Variants in APBB1IP observed in about 807,000 individuals in gnomAD.
The protein encoded by APBB1IP is amyloid beta A4 precursor protein-binding family B member 1-interacting protein.
Under a neutral mutation model 64.9 loss-of-function variants are expected in APBB1IP, and 27 were observed. The ratio of observed to expected loss-of-function variants is 0.42; its 90% CI spans 0.31 to 0.57. APBB1IP has a LOEUF of 0.57. Ranked by LOEUF, APBB1IP falls within the 20% of genes least tolerant of loss-of-function variation. APBB1IP has a pLI of 0.20. For missense variants in APBB1IP, 812 were observed against 845.5 expected (o/e 0.96, Z 0.49); for synonymous variants, 392 against 331.0 (o/e 1.18, Z -2.00).
chr10:26,566,923 T>G, intron 14 of APBB1IP, 38 bp from the exon 15 acceptor site: 3 of 1,523,936 alleles, frequency 2.0e-6, no homozygotes, highest in Non-Finnish European at 2.6e-6. Context: ...ATTTCAAAAA[T>G]TAAAAAAAAA....
chr10:26,502,672 C>T (rs558997922), intron 5 of APBB1IP, among the ~76,000 whole-genome samples: 1 of 151,758 alleles, frequency 6.6e-6, no homozygotes, highest in Non-Finnish European at 1.5e-5. Flanking sequence ...TCTCTCTTAA[C>T]CTTTGGGGGC....
At chr10:26,519,241 A>G (rs1836371862) in intron 8 of APBB1IP, among the ~76,000 whole-genome samples, 1 of 152,202 alleles carries the variant, frequency 6.6e-6, no homozygotes, top group Admixed American at 6.5e-5. Flanking sequence ...TAGTGAGCCA[A>G]GATCGTGCCA....
At chr10:26,501,182 A>T in intron 5 of APBB1IP, 71 bp downstream of exon 5, 1 of 1,588,696 alleles carries the variant, frequency 6.3e-7, no homozygotes, top group Admixed American at 1.7e-5. Context: ...CCTTGAAGTG[A>T]TCATTACATT....
At chr10:26,508,987 G>A (rs1486763538) in intron 6 of APBB1IP, among the ~76,000 whole-genome samples, 3 of 152,118 alleles carry the variant, frequency 2.0e-5, no homozygotes, top group African/African-American at 7.2e-5. Flanking sequence ...CTTTCCATCA[G>A]GAACATTAAA....
intron 2 of APBB1IP, among the ~76,000 whole-genome samples, chr10:26,440,931 TTTAA>T (rs1388884949): frequency 6.6e-6 from 1 of 152,200 alleles, no homozygotes; most frequent in Non-Finnish European, 1.5e-5. Flanking sequence ...TCAATTTTAT[TTTAA>T]TTATTTTTAT....
chr10:26,547,930 G>C (rs1372843606), intron 11 of APBB1IP, among the ~76,000 whole-genome samples: 1 of 152,040 alleles, frequency 6.6e-6, no homozygotes, highest in African/African-American at 2.4e-5. Context: ...TTTTGTGGGG[G>C]ACACCTTTGT....
At chr10:26,516,194 C>G (rs1052933517) in intron 8 of APBB1IP, among the ~76,000 whole-genome samples, 1 of 152,094 alleles carries the variant, frequency 6.6e-6, no homozygotes, top group Non-Finnish European at 1.5e-5. Context: ...AACAAACAAA[C>G]AAACAGAATC....
chr10:26,480,606 T>G (rs1835823273), intron 2 of APBB1IP, among the ~76,000 whole-genome samples: 1 of 149,530 alleles, frequency 6.7e-6, no homozygotes, highest in African/African-American at 2.5e-5. Flanking sequence ...AATATTGGAA[T>G]GGTTGAGCTG....
intron 2 of APBB1IP, among the ~76,000 whole-genome samples, chr10:26,452,590 A>T (rs1026348532): frequency 2.0e-5 from 3 of 152,208 alleles, no homozygotes; most frequent in Non-Finnish European, 2.9e-5. Context: ...TCACTATCTC[A>T]TAGAATTGTT....
At chr10:26,475,915 C>T (rs72803269) in intron 2 of APBB1IP, among the ~76,000 whole-genome samples, 13,059 of 152,194 alleles carry the variant, frequency 0.086, 808 homozygotes, top group East Asian at 0.19. Context: ...TTTTATTCTC[C>T]AGCTTTTCAT....
At chr10:26,448,165 T>A (rs948351124) in intron 2 of APBB1IP, among the ~76,000 whole-genome samples, 1 of 151,708 alleles carries the variant, frequency 6.6e-6, no homozygotes, top group African/African-American at 2.4e-5. Flanking sequence ...AATTTTGATA[T>A]AATTGAAATT....
Position 26,567,360 on chromosome 10 carries a change from AAG to A in APBB1IP, c.1876_1877del (p.Arg626AlafsTer67). 2 of 1,527,884 alleles carry A rather than the reference AAG, an allele frequency of 1.3e-6. No homozygotes were observed. Among genetic ancestry groups the A allele is most frequent in the Non-Finnish European group, 8.8e-7 (1 of 1,130,072 alleles). 94.6% of individuals were successfully genotyped at this position (1,527,884 alleles called of 1,614,324 possible). ...CGCCAGGCCGCCCCCCGCGGTGGCCAAGAGGCCTCCTGTGCCCCCCAAGAGGC... is the reference window on the plus strand; with the variant it reads ...CGCCAGGCCGCCCCCCGCGGTGGCCAAGGCCTCCTGTGCCCCCCAAGAGGC... ...DSARPPPAVA[K>X]RPPVPPKRQE... On this transcript the variant is annotated frameshift_variant, in exon 15 of 15. Transcript: ENST00000376236. LOFTEE classifies it low-confidence loss of function (END_TRUNC).
intron 10 of APBB1IP, among the ~76,000 whole-genome samples, chr10:26,539,274 T>C (rs1836667130): frequency 2.0e-5 from 3 of 151,934 alleles, no homozygotes; most frequent in Admixed American, 2.0e-4. Flanking sequence ...TTAGTGGGGA[T>C]GGTGGCACAT....
intron 8 of APBB1IP, among the ~76,000 whole-genome samples, chr10:26,518,824 A>ACC (rs1358393843): frequency 4.6e-5 from 7 of 152,146 alleles, no homozygotes; most frequent in Non-Finnish European, 1.0e-4. Context: ...AGACCTGAAC[A>ACC]CCACTTTATG....
intron 2 of APBB1IP, among the ~76,000 whole-genome samples, chr10:26,449,510 G>A (rs139122346): frequency 9.3e-4 from 142 of 152,280 alleles, no homozygotes; most frequent in East Asian, 6.7e-3. Context: ...TCCCTATGAA[G>A]CAGGAACTGT....
intron 12 of APBB1IP, 94 bp from the exon 13 acceptor site, chr10:26,560,636 A>C (rs901299498): frequency 1.3e-6 from 1 of 789,214 alleles, no homozygotes; most frequent in Admixed American, 2.9e-5. Context: ...GTAGCCGTGG[A>C]GTATTTATTT....
At chr10:26,455,453 A>G (rs1835513176) in intron 2 of APBB1IP, among the ~76,000 whole-genome samples, 1 of 151,668 alleles carries the variant, frequency 6.6e-6, no homozygotes, top group Non-Finnish European at 1.5e-5. Flanking sequence ...GCTTGAACCC[A>G]GGAGGCAGAG....
intron 2 of APBB1IP, among the ~76,000 whole-genome samples, chr10:26,477,175 C>A (rs1228862248): frequency 1.3e-5 from 2 of 152,164 alleles, no homozygotes; most frequent in Non-Finnish European, 2.9e-5. Flanking sequence ...CTGATCAATT[C>A]ATCTTGATTT....
rs1000962815 is a variant in APBB1IP at position 26,521,443 on chromosome 10, C to T, written c.813+7783C>T. Reference sequence around the variant, plus strand: ...CCAGGGACTGGTGCAGGGGTTGGAGCGTTGCTGGGATCATGATGGCAAGCA... The same window carrying T: ...CCAGGGACTGGTGCAGGGGTTGGAGTGTTGCTGGGATCATGATGGCAAGCA... On this transcript the variant is annotated intron_variant, in intron 8 of 14. Transcript: ENST00000376236. Among the ~76,000 whole-genome samples the T allele has an allele frequency of 1.4e-4, 21 of 152,128 alleles. 1 individual carries two copies. The highest frequency in any genetic ancestry group is 8.5e-4 in the Admixed American group (13 of 15,272).
Sources: allele counts gnomAD v4.1 joint callset (sites outside exome capture counted in the v4.1 genomes callset), GRCh38; gene constraint gnomAD v4.1.1; transcripts MANE v1.5; gene names NCBI Gene and HGNC (gene_info 2026-07-23, HGNC 2026-07-21).